Variants in NRXN3 observed in about 807,000 individuals in gnomAD.
The protein encoded by NRXN3 is neurexin 3.
A neutral mutation model predicts 137.6 loss-of-function variants in NRXN3; 32 were observed. The ratio of observed to expected loss-of-function variants is 0.23; its 90% CI spans 0.18 to 0.31. NRXN3 has a LOEUF of 0.31. Among genes scored for constraint, NRXN3 ranks in the 10% least tolerant of loss-of-function variants. The pLI is 1.00. For missense variants in NRXN3, 1,574 were observed against 2,062.5 expected, an observed-to-expected ratio of 0.76 and a Z score of 4.59; for synonymous variants, 798 against 784.5, an observed-to-expected ratio of 1.02 and a Z score of -0.29.
intron 10 of NRXN3, among the ~76,000 whole-genome samples, chr14:78,926,373 T>C (rs2099290851): frequency 6.6e-6 from 1 of 151,688 alleles, no homozygotes; most frequent in Admixed American, 6.6e-5. Flanking sequence ...TTCTGGAATA[T>C]TCCATTTAAT....
chr14:79,110,613 A>G (rs1011281393), intron 15 of NRXN3, among the ~76,000 whole-genome samples: 9 of 152,164 alleles, frequency 5.9e-5, no homozygotes, highest in Non-Finnish European at 1.2e-4. Flanking sequence ...AATATGGTCT[A>G]TAGTTTAGTT....
chr14:79,750,656 T>G (rs2098994395), intron 19 of NRXN3, among the ~76,000 whole-genome samples: 2 of 152,126 alleles, frequency 1.3e-5, no homozygotes, highest in South Asian at 4.1e-4. Context: ...CCCCACCCAA[T>G]CAGGGCAGGT....
Position 79,401,827 on chromosome 14 carries a change from C to A in NRXN3, c.3263-65394C>A, listed in dbSNP as rs1219694874. ...GGACTGATGAATAAGTACGTGTAAA[C>A]TGATTTTAGTTTTCCTGGTAATGAA... On this transcript the variant is annotated intron_variant, in intron 15 of 20. Transcript: ENST00000335750. Among the ~76,000 whole-genome samples, 5 of 148,640 alleles carry A rather than the reference C, an allele frequency of 3.4e-5. No homozygotes were observed. The East Asian group carries it at 9.9e-4, about 29-fold the overall frequency.
intron 15 of NRXN3, among the ~76,000 whole-genome samples, chr14:79,374,307 G>A (rs1367642063): frequency 2.6e-5 from 4 of 151,982 alleles, no homozygotes; most frequent in Non-Finnish European, 4.4e-5. Flanking sequence ...CTGAGTTCGT[G>A]GCCATTGATG....
At chr14:78,770,229 G>A (rs945676739) in intron 8 of NRXN3, among the ~76,000 whole-genome samples, 5 of 152,264 alleles carry the variant, frequency 3.3e-5, no homozygotes, top group Admixed American at 1.3e-4. Flanking sequence ...GTCGCCCAGC[G>A]CTGGTAAATG....
At chr14:79,776,076 T>A (rs2099096167) in intron 19 of NRXN3, among the ~76,000 whole-genome samples, 1 of 152,160 alleles carries the variant, frequency 6.6e-6, no homozygotes, top group African/African-American at 2.4e-5. Flanking sequence ...GGTGGGAGTA[T>A]GGCAGACAAA....
chr14:78,894,661 C>T (rs759559269), intron 10 of NRXN3, among the ~76,000 whole-genome samples: 2 of 151,856 alleles, frequency 1.3e-5, no homozygotes, highest in African/African-American at 4.8e-5. Flanking sequence ...AAAAAATTTT[C>T]CATTTGCTTT....
At chr14:78,570,718 C>T (rs890953487) in intron 4 of NRXN3, among the ~76,000 whole-genome samples, 13 of 152,162 alleles carry the variant, frequency 8.5e-5, no homozygotes, top group African/African-American at 2.9e-4. Context: ...CTGTGCTCAC[C>T]ATGTTCTGAG....
At chr14:78,471,441 G>A (rs1159016634) in intron 4 of NRXN3, among the ~76,000 whole-genome samples, 1 of 152,096 alleles carries the variant, frequency 6.6e-6, no homozygotes, top group East Asian at 1.9e-4. Context: ...TAAATTCAGG[G>A]CCTGATCACC....
intron 4 of NRXN3, among the ~76,000 whole-genome samples, chr14:78,320,626 C>T (rs1298329904): frequency 2.6e-5 from 4 of 152,286 alleles, no homozygotes; most frequent in African/African-American, 7.2e-5. Context: ...CCCAGTAGAT[C>T]TGACGGGAGA....
chr14:79,039,854 G>T (rs2099622244), intron 15 of NRXN3, among the ~76,000 whole-genome samples: 1 of 151,990 alleles, frequency 6.6e-6, no homozygotes, highest in South Asian at 2.1e-4. Flanking sequence ...ACCATATCTG[G>T]CTAAATATAT....
At chr14:79,135,902 A>G (rs1251061029) in intron 15 of NRXN3, among the ~76,000 whole-genome samples, 1 of 152,192 alleles carries the variant, frequency 6.6e-6, no homozygotes, top group Non-Finnish European at 1.5e-5. Context: ...AACTACAGCT[A>G]TGTTTAAAAC....
At chr14:78,790,791 A>C (rs1311677044) in intron 8 of NRXN3, among the ~76,000 whole-genome samples, 1 of 152,144 alleles carries the variant, frequency 6.6e-6, no homozygotes, top group Non-Finnish European at 1.5e-5. Context: ...GAGATGGCTT[A>C]AGGGCTGGTG....
intron 10 of NRXN3, among the ~76,000 whole-genome samples, chr14:78,812,820 A>AT (rs935397420): frequency 7.9e-5 from 12 of 152,222 alleles, no homozygotes; most frequent in African/African-American, 2.9e-4. Context: ...TGTTTTTGAG[A>AT]TTTTCACAAT....
chr14:79,602,672 T>C (rs2097940266), intron 16 of NRXN3, among the ~76,000 whole-genome samples: 1 of 151,978 alleles, frequency 6.6e-6, no homozygotes, highest in Admixed American at 6.5e-5. Context: ...TTTAAACACA[T>C]ACTTAACAAA....
intron 15 of NRXN3, among the ~76,000 whole-genome samples, chr14:79,133,903 T>G (rs559332877): frequency 4.4e-4 from 64 of 146,342 alleles, no homozygotes; most frequent in South Asian, 2.4e-3. Flanking sequence ...CACTCCAGCT[T>G]GGGCGACAGA....
intron 15 of NRXN3, among the ~76,000 whole-genome samples, chr14:79,243,065 T>C (rs2074561435): frequency 6.6e-6 from 1 of 152,192 alleles, no homozygotes; most frequent in Admixed American, 6.5e-5. Flanking sequence ...TAAGCATTCA[T>C]CTTTCCTGTA....
At chr14:79,346,367 G>A (rs1323983839) in intron 15 of NRXN3, among the ~76,000 whole-genome samples, 3 of 152,186 alleles carry the variant, frequency 2.0e-5, no homozygotes, top group African/African-American at 7.2e-5. Flanking sequence ...GTTGCAGTGA[G>A]CAGAGATCAT....
chr14:78,314,768 C>T (rs11159350), intron 4 of NRXN3, among the ~76,000 whole-genome samples: 117,656 of 152,022 alleles, frequency 0.77, 45,614 homozygotes, highest in Middle Eastern at 0.86. Flanking sequence ...TTTCTTCAGC[C>T]CACCTTCATT....
Sources: allele counts gnomAD v4.1 joint callset (sites outside exome capture counted in the v4.1 genomes callset), GRCh38; gene constraint gnomAD v4.1.1; transcripts MANE v1.5; gene names NCBI Gene and HGNC (gene_info 2026-07-23, HGNC 2026-07-21).